Variants in CTNNA3 observed in about 807,000 individuals in gnomAD.
CTNNA3 encodes catenin alpha 3.
A neutral mutation model predicts 95.7 loss-of-function variants in CTNNA3; 76 were observed. The observed-to-expected ratio is 0.79, with a 90% confidence interval of 0.66 to 0.96. CTNNA3 has a LOEUF of 0.96. CTNNA3 is among the 40% of genes least tolerant of loss of function. The pLI is 0.00. For missense variants in CTNNA3, 1,191 were observed against 1,089.8 expected, an observed-to-expected ratio of 1.09 and a Z score of -1.31; for synonymous variants, 431 against 374.4, an observed-to-expected ratio of 1.15 and a Z score of -1.74.
chr10:67,250,574 C>T (rs768201182), intron 5 of CTNNA3, among the ~76,000 whole-genome samples: 43 of 152,074 alleles, frequency 2.8e-4, no homozygotes, highest in Middle Eastern at 3.4e-3. Flanking sequence ...GACTCGAGTA[C>T]CTGGGTATAC....
intron 7 of CTNNA3, among the ~76,000 whole-genome samples, chr10:67,089,566 A>G (rs1198447494): frequency 1.3e-5 from 2 of 152,032 alleles, no homozygotes; most frequent in African/African-American, 4.8e-5. Context: ...ATATTGAATC[A>G]CTTCTCAGCA....
rs1192236507 is a variant in CTNNA3 at position 66,204,339 on chromosome 10, C to A, written c.1884+76131G>T. Among the ~76,000 whole-genome samples, 4 of 152,006 alleles carry A rather than the reference C, an allele frequency of 2.6e-5. No individual in the cohort carries two copies. The East Asian group carries it at 7.7e-4, about 29-fold the overall frequency. On this transcript the variant is annotated intron_variant, in intron 13 of 17. Transcript: ENST00000433211. The stretch of plus-strand genomic sequence containing the variant: ...CTTACTGTTCAAAAGAATAATGACC[C>A]AATGTGACTGAGAAATCACAAAATT...
intron 7 of CTNNA3, among the ~76,000 whole-genome samples, chr10:66,950,989 G>C (rs778247046): frequency 2.6e-5 from 4 of 152,040 alleles, no homozygotes; most frequent in African/African-American, 7.2e-5. Context: ...GATTTCCTCT[G>C]AATAGATGGT....
intron 15 of CTNNA3, among the ~76,000 whole-genome samples, chr10:66,000,921 T>C (rs1173110606): frequency 1.3e-5 from 2 of 152,142 alleles, no homozygotes; most frequent in African/African-American, 4.8e-5. Context: ...ACAACTATGC[T>C]ATGTTGCCTC....
At chr10:67,631,994 A>C (rs1839156599) in intron 2 of CTNNA3, among the ~76,000 whole-genome samples, 1 of 152,148 alleles carries the variant, frequency 6.6e-6, no homozygotes, top group African/African-American at 2.4e-5. Flanking sequence ...AAGATTGTTG[A>C]TCAAAGGATA....
At chr10:67,306,503 A>G (rs1840558179) in intron 5 of CTNNA3, among the ~76,000 whole-genome samples, 1 of 152,212 alleles carries the variant, frequency 6.6e-6, no homozygotes, top group South Asian at 2.1e-4. Flanking sequence ...CATGTAGCTA[A>G]AGATGACATC....
chr10:67,302,012 AAAGAAAGAAAGAAAGAAAG>A (rs1178509035), intron 5 of CTNNA3, among the ~76,000 whole-genome samples: 1 of 15,018 alleles, frequency 6.7e-5, no homozygotes, highest in Non-Finnish European at 1.0e-4. Flanking sequence ...CGAAAGAAAG[AAAGAAAGAAAGAAAGAAAG>A]AAAGAAAGAA....
intron 9 of CTNNA3, among the ~76,000 whole-genome samples, chr10:66,637,583 C>T (rs552348779): frequency 6.6e-6 from 1 of 152,220 alleles, no homozygotes; most frequent in Non-Finnish European, 1.5e-5. Flanking sequence ...AGAAATCCCA[C>T]AGCATTCTGG....
chr10:66,121,020 C>T (rs2082550587), intron 13 of CTNNA3, among the ~76,000 whole-genome samples: 1 of 152,164 alleles, frequency 6.6e-6, no homozygotes, highest in Non-Finnish European at 1.5e-5. Flanking sequence ...CCGTGATGTC[C>T]TTTTCCATGT....
intron 1 of CTNNA3, among the ~76,000 whole-genome samples, chr10:67,756,830 G>A (rs12259831): frequency 0.12 from 18,654 of 152,102 alleles, 1,287 homozygotes; most frequent in Non-Finnish European, 0.16. Context: ...GGTTAAAATG[G>A]TGAATTTTAC....
rs1289318448 is a variant in CTNNA3, at chr10:66,587,242, T to C, written c.1374+34450A>G. Among the ~76,000 whole-genome samples, 8 of 152,158 alleles carry C rather than the reference T, an allele frequency of 5.3e-5. No individual in the cohort carries two copies. The South Asian group carries it at 1.5e-3, about 28-fold the overall frequency. ...ATACTGGCAATGGCAATAGCTGAGG[T>C]TGCATAAAAGTTTTTGGCTTCCTGA... On this transcript the variant is annotated intron_variant, in intron 10 of 17. Coordinates refer to ENST00000433211, the MANE Select transcript of CTNNA3 (RefSeq NM_013266.4).
At position 66,276,418 on chromosome 10, in the gene CTNNA3, T is replaced by G. The variant is rs1051012331; in HGVS notation, c.1884+4052A>C. Among the ~76,000 whole-genome samples the G allele has an allele frequency of 1.6e-4, 25 of 152,122 alleles. 1 individual carries two copies. Among genetic ancestry groups the G allele is most frequent in the Non-Finnish European group, 1.5e-5 (1 of 67,994 alleles). ...CCTCTCTCTCAATTCAATTATGTAC[T>G]CTTTTAAAATTTCCTCCATTTGTGG... is the stretch of plus-strand genomic sequence containing the variant. On this transcript the variant is annotated intron_variant, in intron 13 of 17. Coordinates refer to ENST00000433211, the MANE Select transcript of CTNNA3 (RefSeq NM_013266.4).
At chr10:66,122,601 T>A (rs2082630630) in intron 13 of CTNNA3, among the ~76,000 whole-genome samples, 1 of 152,150 alleles carries the variant, frequency 6.6e-6, no homozygotes, top group East Asian at 1.9e-4. Context: ...AGGATAAGAA[T>A]GATAGGATAC....
At chr10:67,070,027 A>G (rs1379057725) in intron 7 of CTNNA3, among the ~76,000 whole-genome samples, 2 of 152,174 alleles carry the variant, frequency 1.3e-5, no homozygotes, top group Non-Finnish European at 2.9e-5. Flanking sequence ...AGACCATGAG[A>G]ACTTCCATTG....
Position 66,377,424 on chromosome 10 carries a change from G to A in CTNNA3, c.1732+1728C>T, listed in dbSNP as rs144143809. On this transcript the variant is annotated intron_variant, in intron 12 of 17. Transcript: ENST00000433211. ...TAGAAAGGTTATTATAAATCAAAGA[G>A]GTATTAATAAACTTGCAATTAAGTG... 4.6e-5 allele frequency among the ~76,000 whole-genome samples: 7 copies of A among 151,986 alleles called. No individual in the cohort carries two copies. The East Asian group carries it at 1.2e-3, about 25-fold the overall frequency.
At chr10:66,139,182 C>T (rs939203572) in intron 13 of CTNNA3, among the ~76,000 whole-genome samples, 11 of 152,096 alleles carry the variant, frequency 7.2e-5, no homozygotes, top group Admixed American at 2.0e-4. Flanking sequence ...ATCATGATGC[C>T]GAAATGTTAG....
chr10:67,679,134 A>G (rs1320928980), intron 1 of CTNNA3, among the ~76,000 whole-genome samples: 1 of 152,174 alleles, frequency 6.6e-6, no homozygotes, highest in Non-Finnish European at 1.5e-5. Flanking sequence ...ATTTAGATAA[A>G]TGACCATTTC....
chr10:67,594,970 G>C (rs1316117713), intron 3 of CTNNA3, among the ~76,000 whole-genome samples: 2 of 152,000 alleles, frequency 1.3e-5, no homozygotes, highest in East Asian at 3.8e-4. Flanking sequence ...TTGTGAGTGA[G>C]AACACACAAT....
chr10:66,855,163 C>T (rs1219378812), intron 7 of CTNNA3, among the ~76,000 whole-genome samples: 1 of 151,922 alleles, frequency 6.6e-6, no homozygotes, highest in Non-Finnish European at 1.5e-5. Flanking sequence ...GTTTCTGAAA[C>T]TAGGAACTAT....
Sources: allele counts gnomAD v4.1 joint callset (sites outside exome capture counted in the v4.1 genomes callset), GRCh38; gene constraint gnomAD v4.1.1; transcripts MANE v1.5; gene names NCBI Gene and HGNC (gene_info 2026-07-23, HGNC 2026-07-21).